The following SLC52A1 variants were observed in gnomAD, a reference collection of about 807,000 sequenced individuals.
The protein encoded by SLC52A1 is solute carrier family 52 member 1, also known as solute carrier family 52, riboflavin transporter, member 1.
In SLC52A1, 20 loss-of-function variants were observed where a neutral mutation model predicts 23.2. That is an observed-to-expected ratio of 0.86 (90% confidence interval 0.61 to 1.25). The LOEUF is 1.25. SLC52A1 is among the 50% of genes most tolerant of loss of function. The pLI is 0.00. For synonymous variants in SLC52A1, 260 were observed against 256.6 expected, an observed-to-expected ratio of 1.01 and a Z score of -0.13; for missense variants, 528 against 557.0, an observed-to-expected ratio of 0.95 and a Z score of 0.52.
chr17:5,039,714 C>T (rs1020314495), upstream of SLC52A1, among the ~76,000 whole-genome samples: 1 of 152,138 alleles, frequency 6.6e-6, no homozygotes, highest in African/African-American at 2.4e-5. Flanking sequence ...TCAGGTGATC[C>T]GCCCGCCTCG....
upstream of SLC52A1, among the ~76,000 whole-genome samples, chr17:5,040,397 C>T (rs981546001): frequency 1.3e-5 from 2 of 152,136 alleles, no homozygotes; most frequent in Non-Finnish European, 1.5e-5. Flanking sequence ...TGCTCCCAAA[C>T]TCCTGGGCTC....
At position 5,034,651 on chromosome 17, in the gene SLC52A1, C is replaced by A; in HGVS notation, c.-45G>T. 6.2e-7 allele frequency: 1 copy of A among 1,608,818 alleles called. No homozygotes were observed. Among genetic ancestry groups the A allele is most frequent in the East Asian group, 2.2e-5 (1 of 44,796 alleles). ...TCCAGGACAGGGCAAAGGTCACAGG[C>A]AGGTCCTTCCCTAGGTAGGTCCAAA... On this transcript the variant is annotated 5_prime_UTR_variant, in exon 2 of 5. Coordinates refer to ENST00000254853, the MANE Select transcript of SLC52A1 (RefSeq NM_017986.4).
chr17:5,034,012 A>G lies in SLC52A1; in HGVS notation c.477T>C (p.Cys159=), dbSNP rs1199394262. The change falls in exon 3 of 5, where the codon TGT becomes TGC. Residue 159 remains cysteine, a synonymous_variant. Coordinates refer to ENST00000254853, the MANE Select transcript of SLC52A1 (RefSeq NM_017986.4). ...CCACACCTTGCACTAGGGCCAGCAC[A>G]CAGGGGAGTAGGGCACTGAGACCCT... ...LGQGLSALLP[C]VLALVQGVGR... is the part of the protein sequence containing the mutation. 1 of 1,613,972 alleles carries G rather than the reference A, an allele frequency of 6.2e-7. No homozygotes were observed. The highest frequency in any genetic ancestry group is 1.3e-5 in the African/African-American group (1 of 74,946).
At position 5,033,896 on chromosome 17, in the gene SLC52A1, CAGA is replaced by C. The variant is rs2143431600; in HGVS notation, c.590_592del (p.Phe197del). 5.0e-6 allele frequency: 8 copies of C among 1,614,194 alleles called. No individual in the cohort carries two copies. The South Asian group carries it at 8.8e-5, about 18-fold the overall frequency. On this transcript the variant is annotated inframe_deletion, in exon 3 of 5. Coordinates refer to ENST00000254853, the MANE Select transcript of SLC52A1 (RefSeq NM_017986.4). ...AGTGACCAGAAGGGCAGTCAGTGCC[CAGA>C]AGAAGGTGCTGGCAGGAAAACGCTC...
In SLC52A1 at chr17:5,034,064, G is replaced by C; in HGVS notation, c.425C>G (p.Pro142Arg). The change falls in exon 3 of 5, where the codon CCT becomes CGT. Residue 142 changes from proline (P) to arginine (R), a missense_variant. Physicochemically the swap from Pro to Arg is moderately radical, Grantham distance 103. Transcript: ENST00000254853. ...FLPFLSHLPP[P>R]FLRSFFLGQG... ...ACCCAGGAAGAAAGACCGTAAGAAA[G>C]GAGGTGGCAGGTGGCTCAGGAAGGG... 6.2e-7 allele frequency: 1 copy of C among 1,614,200 alleles called. No homozygotes were observed. The highest frequency in any genetic ancestry group is 8.5e-7 in the Non-Finnish European group (1 of 1,180,030).
chr17:5,032,851 C>T lies in SLC52A1; in HGVS notation c.*106G>A. ...TGTGGAGTGTGCAGGTGTCCATGAG[C>T]GTTCCTGTGTTGGGGGAAGCCTGCC... On this transcript the variant is annotated 3_prime_UTR_variant, in exon 5 of 5. Transcript: ENST00000254853. The T allele has an allele frequency of 2.0e-6, 2 of 1,018,680 alleles. No individual in the cohort carries two copies. The highest frequency in any genetic ancestry group is 1.5e-5 in the South Asian group (1 of 66,902). 63.1% of individuals were successfully genotyped at this position (1,018,680 alleles called of 1,614,324 possible).
Position 5,034,600 on chromosome 17 carries a change from C to G in SLC52A1, c.7G>C (p.Ala3Pro), listed in dbSNP as rs1272471932. The G allele has an allele frequency of 1.2e-6, 2 of 1,614,148 alleles. No homozygotes were observed. The highest frequency in any genetic ancestry group is 1.7e-5 in the Admixed American group (1 of 60,020). ...AGCACCAGACGGCCCAGCGTGGGTG[C>G]TGCCATTCAGCCCAAAGCTGGACCC... MAAPTLGRLVLTH... is the reference protein window; with the variant it reads MAPPTLGRLVLTH... Residue 3 changes from alanine to proline, a missense_variant, in exon 2 of 5, where the codon GCA becomes CCA. Physicochemically the swap from Ala to Pro is conservative, Grantham distance 27 (BLOSUM62 -1). Transcript: ENST00000254853.
rs1305051417 is a variant in SLC52A1, at chr17:5,034,543, C to A, written c.64G>T (p.Gly22Cys). ...THLLVALFGM[G>C]SWAAVNGIWV... ...ATCCCGTTCACAGCAGCCCAGGAGC[C>A]CATGCCAAAAAGGGCCACCAGCAGG... Residue 22 changes from glycine to cysteine, a missense_variant, in exon 2 of 5, where the codon GGC becomes TGC. Physicochemically the swap from Gly to Cys is radical, Grantham distance 159. Coordinates refer to ENST00000254853, the MANE Select transcript of SLC52A1 (RefSeq NM_017986.4). 1 of 1,614,184 alleles carries A rather than the reference C, an allele frequency of 6.2e-7. No individual in the cohort carries two copies.
upstream of SLC52A1, among the ~76,000 whole-genome samples, chr17:5,036,733 G>C (rs1159799153): frequency 6.6e-6 from 1 of 152,028 alleles, no homozygotes; most frequent in South Asian, 2.1e-4. Flanking sequence ...TTTTGTACTT[G>C]TTTACTCACT....
chr17:5,034,980 A>T lies in SLC52A1; in HGVS notation c.-227T>A, dbSNP rs1250198973. On this transcript the variant is annotated 5_prime_UTR_variant, in exon 1 of 5. Transcript: ENST00000254853. ...GAGCAAAGAGGGAGCTGATTTTCCTACCCACAGAGGACCCGGGGTCCAAGT... is the reference window on the plus strand; with the variant it reads ...GAGCAAAGAGGGAGCTGATTTTCCTTCCCACAGAGGACCCGGGGTCCAAGT... 1 of 234,932 alleles carries T rather than the reference A, an allele frequency of 4.3e-6. No homozygotes were observed. Among genetic ancestry groups the T allele is most frequent in the Admixed American group, 4.7e-5 (1 of 21,258 alleles). 14.6% of individuals were successfully genotyped at this position (234,932 alleles called of 1,614,324 possible).
chr17:5,033,741 C>T lies in SLC52A1; in HGVS notation c.748G>A (p.Ala250Thr), dbSNP rs760706957. The T allele has an allele frequency of 1.2e-5, 19 of 1,614,118 alleles. No individual in the cohort carries two copies. Among genetic ancestry groups the T allele is most frequent in the Non-Finnish European group, 1.6e-5 (19 of 1,180,044 alleles). The change falls in exon 3 of 5, where the codon GCT becomes ACT. Residue 250 changes from alanine to threonine, a missense_variant. Physicochemically the swap from Ala to Thr is moderately conservative, Grantham distance 58. Coordinates refer to ENST00000254853, the MANE Select transcript of SLC52A1 (RefSeq NM_017986.4). The part of the protein sequence containing the change: ...AEEEEKEEEE[A>T]LPLQEPPSQA... ...CTCGGTGGCTCCTGCAATGGCAAAG[C>T]CTCTTCTTCCTCCTTCTCTTCCTCC...
upstream of SLC52A1, among the ~76,000 whole-genome samples, chr17:5,037,906 CTTCCTTCCTT>C (rs1276209839): frequency 1.6e-3 from 78 of 49,108 alleles, no homozygotes; most frequent in Non-Finnish European, 2.8e-3. Flanking sequence ...TTCTTTCTTT[CTTCCTTCCTT>C]TTTTTTTTTT....
rs1975373312 is a variant in SLC52A1, at chr17:5,033,572, A to C, written c.917T>G (p.Leu306Trp). Residue 306 changes from leucine to tryptophan, a missense_variant, in exon 3 of 5, where the codon TTG becomes TGG. Coordinates refer to ENST00000254853, the MANE Select transcript of SLC52A1 (RefSeq NM_017986.4). ...GTGGTAGGCCAGGCGCCCATAGGGC[A>C]AACAGGAAAAGCTCTGCACAGAAGG... ...VLPSVQSFSC[L>W]PYGRLAYHLA... 1.2e-6 allele frequency: 2 copies of C among 1,613,966 alleles called. No homozygotes were observed. Among genetic ancestry groups the C allele is most frequent in the Non-Finnish European group, 1.7e-6 (2 of 1,179,986 alleles).
chr17:5,040,537 C>T (rs958404356), intron 1 of SLC52A1, among the ~76,000 whole-genome samples: 3 of 152,066 alleles, frequency 2.0e-5, no homozygotes, highest in East Asian at 1.9e-4. Flanking sequence ...ATTGTGGTTT[C>T]GACACTACGT....
At chr17:5,039,970 T>A (rs568023018), upstream of SLC52A1, among the ~76,000 whole-genome samples, 2 of 152,162 alleles carry the variant, frequency 1.3e-5, no homozygotes, top group Admixed American at 1.3e-4. Flanking sequence ...AAGACCCACA[T>A]GGAGGGAGTC....
rs778417188 is a variant in SLC52A1 at position 5,033,561 on chromosome 17, G to A, written c.928C>T (p.Arg310Cys). The A allele has an allele frequency of 7.4e-6, 12 of 1,613,752 alleles. No individual in the cohort carries two copies. The highest frequency in any genetic ancestry group is 5.0e-5 in the Admixed American group (3 of 60,006). ...VQSFSCLPYG[R>C]LAYHLAVVLG... ...ACCACAGCCAGGTGGTAGGCCAGGC[G>A]CCCATAGGGCAAACAGGAAAAGCTC... The change falls in exon 3 of 5, where the codon CGC becomes TGC. Residue 310 changes from arginine to cysteine, a missense_variant. Arg to Cys is a radical substitution (Grantham distance 180, BLOSUM62 -3). Coordinates refer to ENST00000254853, the MANE Select transcript of SLC52A1 (RefSeq NM_017986.4).
intron 1 of SLC52A1, among the ~76,000 whole-genome samples, chr17:5,041,984 C>T (rs1266332025): frequency 6.6e-6 from 1 of 152,176 alleles, no homozygotes; most frequent in East Asian, 1.9e-4. Flanking sequence ...AATCCTCCTG[C>T]CTCAGCCTCT....
upstream of SLC52A1, among the ~76,000 whole-genome samples, chr17:5,039,140 C>G (rs1006112410): frequency 6.6e-6 from 1 of 151,016 alleles, no homozygotes; most frequent in East Asian, 2.0e-4. Flanking sequence ...CTGGCCAACA[C>G]GGTGAAACCC....
Position 5,033,701 on chromosome 17 carries a change from G to A in SLC52A1, c.788C>T (p.Thr263Ile). The change falls in exon 3 of 5, where the codon ACC (threonine) becomes ATC (isoleucine). Residue 263 changes from threonine to isoleucine, a missense_variant. Transcript: ENST00000254853. The part of the protein sequence containing the change: ...LQEPPSQAAG[T>I]IPGPDPEAHQ... ...GGCCTCAGGGTCTGGGCCAGGGATGGTGCCTGCTGCCTGGCTCGGTGGCTC... is the reference window on the plus strand; with the variant it reads ...GGCCTCAGGGTCTGGGCCAGGGATGATGCCTGCTGCCTGGCTCGGTGGCTC... The A allele has an allele frequency of 1.9e-6, 3 of 1,614,098 alleles. No individual in the cohort carries two copies. Among genetic ancestry groups the A allele is most frequent in the South Asian group, 1.1e-5 (1 of 91,092 alleles).
Sources: allele counts gnomAD v4.1 joint callset (sites outside exome capture counted in the v4.1 genomes callset), GRCh38; gene constraint gnomAD v4.1.1; transcripts MANE v1.5; gene names NCBI Gene and HGNC (gene_info 2026-07-23, HGNC 2026-07-21).